Variants in KCNIP1 observed in about 807,000 individuals in gnomAD.
KCNIP1 encodes the protein potassium voltage-gated channel interacting protein 1, also known as A-type potassium channel modulatory protein KCNIP1.
Under a neutral mutation model 33.0 loss-of-function variants are expected in KCNIP1, and 18 were observed. The ratio of observed to expected loss-of-function variants is 0.55; its 90% CI spans 0.38 to 0.81. The LOEUF is 0.81. KCNIP1 is among the 30% of genes least tolerant of loss of function. KCNIP1 has a pLI of 0.00. For missense variants in KCNIP1, 238 were observed against 271.6 expected, an observed-to-expected ratio of 0.88 and a Z score of 0.87; for synonymous variants, 93 against 98.3, an observed-to-expected ratio of 0.95 and a Z score of 0.32.
At chr5:170,667,634 G>A (rs1309142105) in intron 1 of KCNIP1, among the ~76,000 whole-genome samples, 1 of 152,216 alleles carries the variant, frequency 6.6e-6, no homozygotes, top group Non-Finnish European at 1.5e-5. Context: ...CTAGAGCCAG[G>A]CTGCTCAGGT....
chr5:170,465,443 A>AG (rs1474259384), intron 1 of KCNIP1, among the ~76,000 whole-genome samples: 1 of 152,212 alleles, frequency 6.6e-6, no homozygotes, highest in African/African-American at 2.4e-5. Flanking sequence ...TCTTCATCCA[A>AG]GGGAACCAAG....
intron 1 of KCNIP1, among the ~76,000 whole-genome samples, chr5:170,619,340 C>T (rs1759516066): frequency 6.6e-6 from 1 of 152,100 alleles, no homozygotes; most frequent in Admixed American, 6.5e-5. Context: ...AGAAGCTTAA[C>T]TCTCTGAGCC....
intron 1 of KCNIP1, among the ~76,000 whole-genome samples, chr5:170,580,165 C>T (rs1177593029): frequency 3.9e-5 from 6 of 152,190 alleles, no homozygotes; most frequent in Admixed American, 6.5e-5. Flanking sequence ...CACTGGTCCA[C>T]GTCCAGTGGG....
chr5:170,653,557 A>G (rs573634606), intron 1 of KCNIP1, among the ~76,000 whole-genome samples: 1 of 152,190 alleles, frequency 6.6e-6, no homozygotes, highest in African/African-American at 2.4e-5. Flanking sequence ...GTAACAGAAA[A>G]CAGCTCTACT....
chr5:170,388,965 C>A (rs373772130), intron 1 of KCNIP1, among the ~76,000 whole-genome samples: 1 of 152,210 alleles, frequency 6.6e-6, no homozygotes, highest in Non-Finnish European at 1.5e-5. Context: ...CACCTCTCTA[C>A]CGGTGACAAG....
intron 1 of KCNIP1, among the ~76,000 whole-genome samples, chr5:170,439,613 A>G (rs12520312): frequency 0.38 from 57,780 of 152,090 alleles, 11,154 homozygotes; most frequent in Middle Eastern, 0.41. Context: ...TCATCTACGC[A>G]AGCCTTGGGA....
intron 1 of KCNIP1, among the ~76,000 whole-genome samples, chr5:170,700,733 T>C (rs958166450): frequency 6.6e-6 from 1 of 152,144 alleles, no homozygotes; most frequent in Non-Finnish European, 1.5e-5. Flanking sequence ...TGTGGCACAC[T>C]TCACTCCTGG....
Position 170,489,032 on chromosome 5 carries a change from G to A in KCNIP1, c.88+135068G>A, listed in dbSNP as rs955872215. On this transcript the variant is annotated intron_variant, in intron 1 of 7. Coordinates refer to the KCNIP1 transcript ENST00000377360. This position sits in a 1 kb window ranked among gnomAD's most constrained non-coding sequence, Gnocchi z 4.3. ...AGAGTACTGACCCCGAGCCCACTCG[G>A]GCTCTGAGCAGAAGGAAGATTTCAT... is the stretch of plus-strand genomic sequence containing the variant. Among the ~76,000 whole-genome samples the A allele has an allele frequency of 2.6e-5, 4 of 151,694 alleles. No homozygotes were observed. Among genetic ancestry groups the A allele is most frequent in the African/African-American group, 9.7e-5 (4 of 41,418 alleles).
intron 1 of KCNIP1, chr5:170,483,097 A>T (rs1289767541): frequency 2.2e-6 from 1 of 455,566 alleles, no homozygotes; most frequent in East Asian, 7.0e-5. Flanking sequence ...GCAGAGCCGG[A>T]TAGCTTGGGC....
chr5:170,502,071 T>C (rs149611679), upstream of KCNIP1, among the ~76,000 whole-genome samples: 7 of 152,356 alleles, frequency 4.6e-5, no homozygotes, highest in African/African-American at 1.7e-4. Flanking sequence ...GACAGAGGCC[T>C]GGAACCCAAG....
chr5:170,619,890 C>T (rs1759536393), intron 1 of KCNIP1, among the ~76,000 whole-genome samples: 1 of 152,134 alleles, frequency 6.6e-6, no homozygotes, highest in Non-Finnish European at 1.5e-5. Context: ...ACTATGTCAG[C>T]ATCCCCCAAT....
chr5:170,647,175 A>G (rs1164788863), intron 1 of KCNIP1, among the ~76,000 whole-genome samples: 2 of 152,216 alleles, frequency 1.3e-5, no homozygotes, highest in Non-Finnish European at 2.9e-5. Flanking sequence ...TCAGGTTATC[A>G]GTTCTTTCCA....
intron 1 of KCNIP1, among the ~76,000 whole-genome samples, chr5:170,693,496 G>T (rs142388204): frequency 7.9e-4 from 120 of 152,288 alleles, no homozygotes; most frequent in African/African-American, 2.8e-3. Flanking sequence ...CAGAAGGCAG[G>T]TGAAGAACGT....
intron 1 of KCNIP1, among the ~76,000 whole-genome samples, chr5:170,496,621 A>AGGTG (rs1271310845): frequency 6.6e-6 from 1 of 152,200 alleles, no homozygotes; most frequent in Non-Finnish European, 1.5e-5. Flanking sequence ...ACCTCAGGAG[A>AGGTG]CTAAAGCAGG....
At chr5:170,671,510 C>T (rs1761921522) in intron 1 of KCNIP1, among the ~76,000 whole-genome samples, 1 of 152,220 alleles carries the variant, frequency 6.6e-6, no homozygotes, top group Non-Finnish European at 1.5e-5. Flanking sequence ...ATGCAAACTC[C>T]AGCCTGGGTT....
In KCNIP1 at chr5:170,456,701, T is replaced by TTCTTTCTTTCTTTC. The variant is rs1554093874; in HGVS notation, c.88+102738_88+102739insCTTTCTTTCTTTCT. ...TTTCTTTCTTTCTCTCTCTCTCTCT[T>TTCTTTCTTTCTTTC]TTTCTTTCTTTCTTTCTTTCTTTCT... On this transcript the variant is annotated intron_variant, in intron 1 of 7. Coordinates refer to the KCNIP1 transcript ENST00000377360. Among the ~76,000 whole-genome samples, 115 of 135,772 alleles carry TTCTTTCTTTCTTTC rather than the reference T, an allele frequency of 8.5e-4. 1 individual carries two copies. The highest frequency in any genetic ancestry group is 3.1e-3 in the African/African-American group (104 of 33,414). The allele number at this position is 135,772 out of a possible 152,430, so 89.1% of individuals were successfully genotyped here. A position where few individuals can be genotyped will look rare whatever the true frequency, so the allele number is the denominator to read the frequency against.
intron 1 of KCNIP1, among the ~76,000 whole-genome samples, chr5:170,563,840 A>G (rs1757120399): frequency 6.6e-6 from 1 of 152,106 alleles, no homozygotes; most frequent in African/African-American, 2.4e-5. Flanking sequence ...GGGTTTCTCC[A>G]TGTTGGTCAG....
chr5:170,618,055 G>A (rs1759455828), intron 1 of KCNIP1, among the ~76,000 whole-genome samples: 1 of 152,196 alleles, frequency 6.6e-6, no homozygotes, highest in Admixed American at 6.5e-5. Flanking sequence ...GAAAGTGAAA[G>A]AAGCCCTCCA....
chr5:170,606,300 T>C (rs935114352), intron 1 of KCNIP1, among the ~76,000 whole-genome samples: 6 of 152,202 alleles, frequency 3.9e-5, no homozygotes, highest in Non-Finnish European at 8.8e-5. Context: ...ACTCTGTGTT[T>C]AACTTATTGA....
Sources: allele counts gnomAD v4.1 joint callset (sites outside exome capture counted in the v4.1 genomes callset), GRCh38; gene constraint gnomAD v4.1.1; non-coding constraint Gnocchi (gnomAD v3.1); transcripts MANE v1.5; gene names NCBI Gene and HGNC (gene_info 2026-07-23, HGNC 2026-07-21).